COTL1: variants seen among roughly 807,000 people sequenced by gnomAD.
COTL1 encodes the protein coactosin-like protein.
A neutral mutation model predicts 16.5 loss-of-function variants in COTL1; 15 were observed. That is an observed-to-expected ratio of 0.91 (90% CI 0.61 to 1.40). The LOEUF (loss-of-function observed/expected upper bound fraction) is 1.40, where lower values mean the gene tolerates loss of function less well. Among genes scored for constraint, COTL1 ranks in the 40% most tolerant of loss-of-function variants. The pLI is 0.00. For missense variants in COTL1, 220 were observed against 201.5 expected (o/e 1.09, Z -0.56); for synonymous variants, 112 against 85.3 (o/e 1.31, Z -1.73).
intron 2 of COTL1, among the ~76,000 whole-genome samples, chr16:84,606,765 G>A (rs1057372737): frequency 3.3e-5 from 5 of 152,152 alleles, no homozygotes; most frequent in East Asian, 1.9e-4. Context: ...CGGTGGCTAC[G>A]TGCCCCCGCC....
At chr16:84,594,436 G>C (rs1340181182) in intron 2 of COTL1, 1 of 152,358 alleles carries the variant, frequency 6.6e-6, no homozygotes, top group Non-Finnish European at 1.5e-5. Flanking sequence ...CTTGGAGTGT[G>C]GGGGAGCAGC....
chr16:84,606,392 A>G (rs1399077239), intron 2 of COTL1, among the ~76,000 whole-genome samples: 1 of 152,158 alleles, frequency 6.6e-6, no homozygotes, highest in East Asian at 1.9e-4. Context: ...TCATTTGCCT[A>G]CTCAACAACA....
At chr16:84,607,920 A>G (rs1905246216) in intron 2 of COTL1, among the ~76,000 whole-genome samples, 1 of 152,202 alleles carries the variant, frequency 6.6e-6, no homozygotes, top group African/African-American at 2.4e-5. Flanking sequence ...GGCAGGAAGC[A>G]GAAGCAGCAG....
At chr16:84,609,228 T>C (rs1905271789) in intron 2 of COTL1, among the ~76,000 whole-genome samples, 2 of 152,210 alleles carry the variant, frequency 1.3e-5, no homozygotes, top group African/African-American at 2.4e-5. Flanking sequence ...GCAGAGGTCA[T>C]GGACAGCAAG....
chr16:84,611,327 C>A (rs549854479), intron 2 of COTL1, among the ~76,000 whole-genome samples: 1 of 152,322 alleles, frequency 6.6e-6, no homozygotes, highest in South Asian at 2.1e-4. Flanking sequence ...ATTGCTTTAA[C>A]AATGTCACAT....
chr16:84,592,886 G>C (rs1904905930), intron 2 of COTL1, among the ~76,000 whole-genome samples: 2 of 152,232 alleles, frequency 1.3e-5, no homozygotes, highest in South Asian at 4.1e-4. Context: ...ATGAATGCGT[G>C]ATCCTAGCTG....
At chr16:84,571,488 C>T (rs1409210369) in intron 3 of COTL1, among the ~76,000 whole-genome samples, 1 of 152,172 alleles carries the variant, frequency 6.6e-6, no homozygotes, top group Non-Finnish European at 1.5e-5. Context: ...GCTCTCCACC[C>T]TTGCACCTGG....
intron 3 of COTL1, 92 bp from the exon 4 acceptor site, chr16:84,567,047 C>T (rs1904301965): frequency 1.2e-6 from 1 of 820,934 alleles, no homozygotes; most frequent in African/African-American, 1.7e-5. Context: ...AAGCAAAGCA[C>T]TGAAAACCCT....
In COTL1 at chr16:84,566,318, G is replaced by T. The variant is rs1161031687; in HGVS notation, c.*527C>A. On this transcript the variant is annotated 3_prime_UTR_variant, in exon 4 of 4. Coordinates refer to ENST00000262428, the MANE Select transcript of COTL1 (RefSeq NM_021149.5). ...CCGGGGCAGATACCAGGAGGTCTGG[G>T]CCTTAGTAGGGAATGGACGTGTGTG... is the stretch of plus-strand genomic sequence containing the variant. 6.5e-6 allele frequency: 1 copy of T among 152,766 alleles called. No homozygotes were observed. Among genetic ancestry groups the T allele is most frequent in the African/African-American group, 2.4e-5 (1 of 41,426 alleles). The allele number at this position is 152,766 out of a possible 1,614,324, so 9.5% of individuals were successfully genotyped here.
intron 1 of COTL1, 24 bp downstream of exon 1, chr16:84,617,814 T>C: frequency 6.4e-7 from 1 of 1,560,136 alleles, no homozygotes; most frequent in Middle Eastern, 1.7e-4. Context: ...GAGCGGGGCG[T>C]GGAGACGAAT....
intron 2 of COTL1, among the ~76,000 whole-genome samples, chr16:84,597,545 A>G (rs1434787054): frequency 6.6e-6 from 1 of 152,156 alleles, no homozygotes; most frequent in Non-Finnish European, 1.5e-5. Context: ...AGACGCTGGG[A>G]GTGGAGCTCT....
intron 2 of COTL1, among the ~76,000 whole-genome samples, chr16:84,593,295 C>T (rs561215150): frequency 3.9e-5 from 6 of 152,238 alleles, no homozygotes; most frequent in East Asian, 1.9e-4. Flanking sequence ...AGGGACACTG[C>T]GCAGGTGAAT....
At chr16:84,608,604 C>G (rs1380181989) in intron 2 of COTL1, among the ~76,000 whole-genome samples, 1 of 152,188 alleles carries the variant, frequency 6.6e-6, no homozygotes, top group Non-Finnish European at 1.5e-5. Flanking sequence ...CTTCAGGGTA[C>G]CACTTAAAAA....
chr16:84,571,399 C>T (rs1904334025), intron 3 of COTL1, among the ~76,000 whole-genome samples: 1 of 152,172 alleles, frequency 6.6e-6, no homozygotes, highest in African/African-American at 2.4e-5. Flanking sequence ...TCTCTTGCCC[C>T]TCAATTCAGA....
At chr16:84,579,665 C>T (rs778512017) in intron 3 of COTL1, among the ~76,000 whole-genome samples, 2 of 152,132 alleles carry the variant, frequency 1.3e-5, no homozygotes, top group African/African-American at 2.4e-5. Context: ...GGAACCCTTT[C>T]GGCAAACCAC....
rs1430510056 is a variant in COTL1, at chr16:84,618,005, G to A, written c.-91C>T. ...TGGGAGCGCGGCGGGTACGCGCCGAGGGCGCACGGGCTGGCGGCGGTGGCG... is the reference window on the plus strand; with the variant it reads ...TGGGAGCGCGGCGGGTACGCGCCGAAGGCGCACGGGCTGGCGGCGGTGGCG... On this transcript the variant is annotated 5_prime_UTR_variant, in exon 1 of 4. Coordinates refer to ENST00000262428, the MANE Select transcript of COTL1 (RefSeq NM_021149.5). 2 of 803,520 alleles carry A rather than the reference G, an allele frequency of 2.5e-6. No individual in the cohort carries two copies. The highest frequency in any genetic ancestry group is 3.3e-6 in the Non-Finnish European group (2 of 612,056). 49.8% of individuals were successfully genotyped at this position (803,520 alleles called of 1,614,324 possible).
chr16:84,598,677 C>G (rs933684465), intron 2 of COTL1, among the ~76,000 whole-genome samples: 2 of 147,058 alleles, frequency 1.4e-5, no homozygotes, highest in Non-Finnish European at 3.0e-5. Context: ...CCAACCCCGA[C>G]CTCTCTGGAA....
chr16:84,607,703 G>T (rs1447569535), intron 2 of COTL1, among the ~76,000 whole-genome samples: 1 of 152,108 alleles, frequency 6.6e-6, no homozygotes, highest in African/African-American at 2.4e-5. Flanking sequence ...TGGAGAAAAG[G>T]TGTTGGAAGT....
chr16:84,583,615 C>A (rs1330859187), intron 3 of COTL1, among the ~76,000 whole-genome samples: 1 of 152,132 alleles, frequency 6.6e-6, no homozygotes, highest in Admixed American at 6.6e-5. Flanking sequence ...CGACACCATG[C>A]CCCAGCTAAT....
Sources: gnomAD v4.1 joint callset for allele counts (sites outside exome capture counted in the v4.1 genomes callset) on GRCh38, gnomAD v4.1.1 for gene constraint, MANE v1.5 for transcripts, NCBI Gene and HGNC (gene_info 2026-07-23, HGNC 2026-07-21) for gene names.